ADCY3: variants seen among roughly 807,000 people sequenced by gnomAD.
ADCY3 encodes the protein adenylate cyclase 3.
A neutral mutation model predicts 119.4 loss-of-function variants in ADCY3; 70 were observed. The observed-to-expected ratio is 0.59, with a 90% CI of 0.48 to 0.72. The LOEUF is 0.72. Ranked by LOEUF, ADCY3 falls within the 30% of genes least tolerant of loss-of-function variation. The pLI is 0.00. For missense variants in ADCY3, 1,238 were observed against 1,541.6 expected (o/e 0.80, Z 3.30); for synonymous variants, 672 against 621.4 (o/e 1.08, Z -1.21).
intron 3 of ADCY3, among the ~76,000 whole-genome samples, chr2:24,869,199 C>A (rs1051886108): frequency 2.0e-5 from 3 of 151,746 alleles, no homozygotes; most frequent in Non-Finnish European, 2.9e-5. Flanking sequence ...CCATTTCAGA[C>A]AAAAGATAAA....
At position 24,831,623 on chromosome 2, in the gene ADCY3, TC is replaced by T. The variant is rs780113493; in HGVS notation, c.2055+38del. On this transcript the variant is annotated intron_variant, in intron 12 of 21. Transcript: ENST00000679454. The stretch of plus-strand genomic sequence containing the variant: ...AGTTTTACAGGGAGTGCCACTCACT[TC>T]CAGAGGCTTCTGAGCTCAGTAGAAA... The T allele has an allele frequency of 2.0e-6, 3 of 1,536,520 alleles. No homozygotes were observed. The East Asian group carries it at 6.8e-5, about 35-fold the overall frequency.
chr2:24,833,676 C>T (rs1669907947), intron 11 of ADCY3, among the ~76,000 whole-genome samples: 1 of 152,220 alleles, frequency 6.6e-6, no homozygotes, highest in African/African-American at 2.4e-5. Flanking sequence ...AGCCCCAGCC[C>T]TTGATCCCCA....
At chr2:24,910,589 G>A (rs191796809) in intron 2 of ADCY3, among the ~76,000 whole-genome samples, 16 of 152,000 alleles carry the variant, frequency 1.1e-4, no homozygotes, top group Non-Finnish European at 2.1e-4. Context: ...ATCCATTCCC[G>A]AGGAAAATGT....
chr2:24,835,562 C>A (rs1360988539), intron 9 of ADCY3, among the ~76,000 whole-genome samples: 4 of 152,166 alleles, frequency 2.6e-5, no homozygotes, highest in African/African-American at 9.7e-5. Flanking sequence ...TGTGATGACA[C>A]AGCCATCAGT....
In ADCY3 at chr2:24,920,115, C is replaced by G. The variant is rs1369703117; in HGVS notation, c.-630G>C. Among the ~76,000 whole-genome samples, 1 of 146,122 alleles carries G rather than the reference C, an allele frequency of 6.8e-6. No individual in the cohort carries two copies. Among genetic ancestry groups the G allele is most frequent in the African/African-American group, 2.5e-5 (1 of 40,718 alleles). ...TCCCCGGCGGGAGCGCGGGCCGAGC[C>G]CGGGGAAGCCCGCCAGCATCCTCTC... On this transcript the variant is annotated 5_prime_UTR_variant, in exon 1 of 22. Coordinates refer to ENST00000679454, the MANE Select transcript of ADCY3 (RefSeq NM_004036.5). The surrounding 1 kb of genome is among the most constrained non-coding windows in gnomAD (Gnocchi z 4.5).
intron 2 of ADCY3, among the ~76,000 whole-genome samples, chr2:24,888,394 T>C (rs750749184): frequency 6.6e-6 from 1 of 152,234 alleles, no homozygotes; most frequent in Admixed American, 6.5e-5. Flanking sequence ...AAGACCCTCA[T>C]GGCAGTGCCA....
Position 24,828,762 on chromosome 2 carries a change from G to A in ADCY3, c.2173-601C>T, listed in dbSNP as rs1294300671. ...GTCTTGCTTGCGCGATTCCCGCCAT[G>A]TCATTCTAGCATGAGCAGTTGTTAC... On this transcript the variant is annotated intron_variant, in intron 13 of 21. Transcript: ENST00000679454. 2.6e-5 allele frequency among the ~76,000 whole-genome samples: 4 copies of A among 152,250 alleles called. No individual in the cohort carries two copies. The East Asian group carries it at 7.7e-4, about 29-fold the overall frequency.
chr2:24,856,180 A>AGT (rs111720839), intron 3 of ADCY3, among the ~76,000 whole-genome samples: 61 of 151,638 alleles, frequency 4.0e-4, no homozygotes, highest in African/African-American at 1.2e-3. Context: ...GAATGTGGAG[A>AGT]GTGTGTGTGT....
At position 24,898,375 on chromosome 2, in the gene ADCY3, A is replaced by C. The variant is rs1249232406; in HGVS notation, c.675+19938T>G. On this transcript the variant is annotated intron_variant, in intron 2 of 21. Coordinates refer to ENST00000679454, the MANE Select transcript of ADCY3 (RefSeq NM_004036.5). This position sits in a 1 kb window ranked among gnomAD's most constrained non-coding sequence, Gnocchi z 4.3. ...AGGGAGTGGACCTACTGTCTGCGGG[A>C]TGGGAGTCGGGACACTGACTGTGTG... Among the ~76,000 whole-genome samples, 7 of 151,126 alleles carry C rather than the reference A, an allele frequency of 4.6e-5. No individual in the cohort carries two copies. In the East Asian group the frequency reaches 9.9e-4, roughly 21 times the overall value.
At chr2:24,839,660 C>T (rs1004121718) in intron 7 of ADCY3, among the ~76,000 whole-genome samples, 4 of 152,188 alleles carry the variant, frequency 2.6e-5, no homozygotes, top group Non-Finnish European at 5.9e-5. Flanking sequence ...AAGCCACATC[C>T]AATATCAGGC....
At position 24,821,586 on chromosome 2, in the gene ADCY3, C is replaced by T. The variant is rs768423928; in HGVS notation, c.3058G>A (p.Ala1020Thr). Residue 1020 changes from alanine to threonine, a missense_variant, in exon 20 of 22, where the codon GCG becomes ACG. Ala to Thr is a moderately conservative substitution (Grantham distance 58, BLOSUM62 0). This residue lies in a region of ADCY3 where 63 missense variants were observed against 62.8 expected (regional missense o/e 1.00). Coordinates refer to ENST00000679454, the MANE Select transcript of ADCY3 (RefSeq NM_004036.5). The part of the protein sequence containing the change: ...WQHLADLADF[A>T]LAMKDTLTNI... ...GTGAGCGTATCCTTCATGGCCAGCG[C>T]GAAGTCGGCCAGGTCAGCCAGGTGC... is the stretch of plus-strand genomic sequence containing the variant. The T allele has an allele frequency of 8.1e-6, 13 of 1,614,030 alleles. No homozygotes were observed. The highest frequency in any genetic ancestry group is 2.7e-5 in the African/African-American group (2 of 74,926).
chr2:24,844,699 C>A lies in ADCY3; in HGVS notation c.826-2315G>T, dbSNP rs575841225. On this transcript the variant is annotated intron_variant, in intron 3 of 21. Transcript: ENST00000679454. Reference sequence around the variant, plus strand: ...CTGCTACAGGTCCCCATCTTCTGCACTCTGTGGCTTCATGGGGAGAATTTA... The same window carrying A: ...CTGCTACAGGTCCCCATCTTCTGCAATCTGTGGCTTCATGGGGAGAATTTA... 2.6e-5 allele frequency among the ~76,000 whole-genome samples: 4 copies of A among 152,224 alleles called. No individual in the cohort carries two copies. In the South Asian group the frequency reaches 8.3e-4, roughly 31 times the overall value.
chr2:24,820,997 TGGAAATCAC>T (rs1356521692), intron 20 of ADCY3, 149 bp from the exon 21 acceptor site: 1 of 1,144,472 alleles, frequency 8.7e-7, no homozygotes, highest in Non-Finnish European at 1.2e-6. Context: ...TATTGGAGGG[TGGAAATCAC>T]ATCTCCTGTT....
chr2:24,910,588 C>T (rs926199017), intron 2 of ADCY3, among the ~76,000 whole-genome samples: 2 of 151,954 alleles, frequency 1.3e-5, no homozygotes, highest in Admixed American at 6.6e-5. Flanking sequence ...TATCCATTCC[C>T]GAGGAAAATG....
Position 24,841,627 on chromosome 2 carries a change from A to T in ADCY3, c.997T>A (p.Ser333Thr). Residue 333 changes from serine to threonine, a missense_variant, in exon 5 of 22, where the codon TCT becomes ACT. Transcript: ENST00000679454. This position sits in a 1 kb window ranked among gnomAD's most constrained non-coding sequence, Gnocchi z 5.8. The stretch of plus-strand genomic sequence containing the variant: ...ACAAGCTCCTGGGCACTGCAGGCAG[A>T]AGACAGCTGGGTAAAGCCCACGATG... ...ADIVGFTQLSSACSAQELVKL... is the reference protein window; with the variant it reads ...ADIVGFTQLSTACSAQELVKL... 6.2e-7 allele frequency: 1 copy of T among 1,613,700 alleles called. No individual in the cohort carries two copies. Among genetic ancestry groups the T allele is most frequent in the African/African-American group, 1.3e-5 (1 of 75,042 alleles).
chr2:24,911,492 C>CA (rs966412245), intron 2 of ADCY3, among the ~76,000 whole-genome samples: 8 of 150,936 alleles, frequency 5.3e-5, no homozygotes, highest in Admixed American at 2.6e-4. Context: ...ACTAAAAATA[C>CA]AAAAAAAATT....
chr2:24,820,833 C>T lies in ADCY3; in HGVS notation c.3143G>A (p.Gly1048Glu). Residue 1048 changes from glycine to glutamate, a missense_variant, in exon 21 of 22, where the codon GGG becomes GAG. Around this residue, in one of 7 missense-constraint regions of ADCY3, gnomAD observed 43 missense variants for 77.0 expected, o/e 0.56. Coordinates refer to ENST00000679454, the MANE Select transcript of ADCY3 (RefSeq NM_004036.5). ...GGCTCCGATGACCCCAGCCAGAACC[C>T]CGCCTTTGTTCATGCCTAGGGTAGA... ...FMLRIGMNKGGVLAGVIGARK... is the reference protein window; with the variant it reads ...FMLRIGMNKGEVLAGVIGARK... The T allele has an allele frequency of 3.1e-6, 5 of 1,614,108 alleles. No homozygotes were observed. Among genetic ancestry groups the T allele is most frequent in the Non-Finnish European group, 4.2e-6 (5 of 1,179,992 alleles).
chr2:24,875,928 A>G (rs1325801715), intron 2 of ADCY3, among the ~76,000 whole-genome samples: 1 of 151,444 alleles, frequency 6.6e-6, no homozygotes, highest in Non-Finnish European at 1.5e-5. Context: ...GCACTCCTCA[A>G]CTTATTTACA....
chr2:24,861,521 A>G (rs1253407426), intron 3 of ADCY3, among the ~76,000 whole-genome samples: 3 of 152,172 alleles, frequency 2.0e-5, no homozygotes, highest in Non-Finnish European at 4.4e-5. Flanking sequence ...CTCTCATACC[A>G]GGACTGTCTG....
Sources: allele counts gnomAD v4.1 joint callset (sites outside exome capture counted in the v4.1 genomes callset), GRCh38; gene constraint gnomAD v4.1.1; regional missense constraint gnomAD v4.1.1; non-coding constraint Gnocchi (gnomAD v3.1); transcripts MANE v1.5; gene names NCBI Gene and HGNC (gene_info 2026-07-23, HGNC 2026-07-21).